The following MACROD2 variants were observed in gnomAD, a reference collection of about 807,000 sequenced individuals.
MACROD2 encodes the protein mono-ADP ribosylhydrolase 2, also known as ADP-ribose glycohydrolase MACROD2.
A neutral mutation model predicts 70.4 loss-of-function variants in MACROD2; 36 were observed. The observed-to-expected ratio is 0.51, with a 90% confidence interval of 0.39 to 0.68. The LOEUF (loss-of-function observed/expected upper bound fraction) is 0.68. Among genes scored for constraint, MACROD2 ranks in the 30% least tolerant of loss-of-function variants. The probability of loss-of-function intolerance (pLI) is 0.00; values close to 1 mark genes in which losing one functional copy is unlikely to be tolerated. For synonymous variants in MACROD2, 172 were observed against 178.8 expected (o/e 0.96, Z 0.30); for missense variants, 496 against 538.4 (o/e 0.92, Z 0.78).
At chr20:14,060,777 A>C (rs1569140307) in intron 2 of MACROD2, among the ~76,000 whole-genome samples, 1 of 152,150 alleles carries the variant, frequency 6.6e-6, no homozygotes, top group East Asian at 1.9e-4. Context: ...TGTGCATAGG[A>C]CTGGTAAAAA....
intron 5 of MACROD2, among the ~76,000 whole-genome samples, chr20:15,134,488 AG>A (rs2076131503): frequency 6.6e-6 from 1 of 152,116 alleles, no homozygotes. Flanking sequence ...AACGAAATGA[AG>A]GCAGAAATAA....
chr20:14,469,474 T>C (rs1449737251), intron 3 of MACROD2, among the ~76,000 whole-genome samples: 2 of 152,090 alleles, frequency 1.3e-5, no homozygotes, highest in Non-Finnish European at 2.9e-5. Context: ...AATGTTGGCC[T>C]GTCTAGCTAG....
chr20:14,697,336 C>G (rs1374494822), intron 5 of MACROD2, among the ~76,000 whole-genome samples: 2 of 152,128 alleles, frequency 1.3e-5, no homozygotes, highest in African/African-American at 4.8e-5. Context: ...AAAATATATC[C>G]AACAAAATGG....
intron 12 of MACROD2, among the ~76,000 whole-genome samples, chr20:15,960,967 AAGG>A (rs2066052127): frequency 6.6e-6 from 1 of 152,186 alleles, no homozygotes; most frequent in Non-Finnish European, 1.5e-5. Context: ...GGAGTAACAG[AAGG>A]AGAAGAGTGA....
intron 2 of MACROD2, among the ~76,000 whole-genome samples, chr20:14,040,810 A>T (rs552805409): frequency 3.3e-5 from 5 of 152,352 alleles, no homozygotes; most frequent in Admixed American, 3.3e-4. Context: ...CCACTGTTGC[A>T]TATATGGCCT....
chr20:15,278,754 A>G (rs1181024763), intron 6 of MACROD2, among the ~76,000 whole-genome samples: 1 of 152,178 alleles, frequency 6.6e-6, no homozygotes, highest in Non-Finnish European at 1.5e-5. Context: ...TCTGCCTTCA[A>G]TAGCAATATT....
intron 9 of MACROD2, among the ~76,000 whole-genome samples, chr20:15,877,445 A>G (rs1209054685): frequency 6.6e-6 from 1 of 152,106 alleles, no homozygotes; most frequent in Non-Finnish European, 1.5e-5. Flanking sequence ...TGAAGGAAAA[A>G]AAAAAGTTCC....
chr20:15,401,691 T>C (rs1234575639), intron 6 of MACROD2, among the ~76,000 whole-genome samples: 1 of 152,236 alleles, frequency 6.6e-6, no homozygotes, highest in East Asian at 1.9e-4. Context: ...AATAGGGTTA[T>C]AGTATACATG....
At chr20:14,167,827 C>T (rs1051392912) in intron 3 of MACROD2, among the ~76,000 whole-genome samples, 7 of 152,226 alleles carry the variant, frequency 4.6e-5, no homozygotes, top group East Asian at 1.9e-4. Flanking sequence ...GAAAACTTTA[C>T]GAAGACTCTC....
intron 5 of MACROD2, among the ~76,000 whole-genome samples, chr20:14,855,015 C>CA (rs536520276): frequency 9.4e-5 from 14 of 148,956 alleles, no homozygotes; most frequent in East Asian, 3.9e-4. Context: ...GACTCCGTCT[C>CA]AAAAAAAAAG....
intron 8 of MACROD2, among the ~76,000 whole-genome samples, chr20:15,692,973 G>A (rs1260413118): frequency 6.6e-6 from 1 of 152,020 alleles, no homozygotes; most frequent in Non-Finnish European, 1.5e-5. Flanking sequence ...TTAAAAGTGT[G>A]GCACTTCCCA....
At chr20:15,904,880 C>CAAAAAAA (rs10556594) in intron 10 of MACROD2, among the ~76,000 whole-genome samples, 100 of 129,012 alleles carry the variant, frequency 7.8e-4, no homozygotes, top group Admixed American at 2.9e-3. Flanking sequence ...GACTCTGTCT[C>CAAAAAAA]AAAAAAAAAA....
intron 5 of MACROD2, among the ~76,000 whole-genome samples, chr20:14,949,758 C>T (rs1460064537): frequency 6.6e-6 from 1 of 152,138 alleles, no homozygotes; most frequent in East Asian, 1.9e-4. Flanking sequence ...TTTAATTTTG[C>T]ACTTTGGCAC....
chr20:15,221,586 A>G (rs972498060), intron 5 of MACROD2, among the ~76,000 whole-genome samples: 2 of 152,242 alleles, frequency 1.3e-5, no homozygotes, highest in African/African-American at 4.8e-5. Context: ...TAGGAGTCCA[A>G]TTTGAAACAG....
chr20:14,643,575 A>G (rs1264078842), intron 4 of MACROD2, among the ~76,000 whole-genome samples: 1 of 152,230 alleles, frequency 6.6e-6, no homozygotes, highest in African/African-American at 2.4e-5. Flanking sequence ...TAGAGATGTT[A>G]AAGTATTTTA....
intron 4 of MACROD2, among the ~76,000 whole-genome samples, chr20:14,527,317 T>TGGGAAATGCAACATTTGGGC (rs2085245721): frequency 6.6e-6 from 1 of 152,192 alleles, no homozygotes; most frequent in African/African-American, 2.4e-5. Context: ...AGGGTGGTCT[T>TGGGAAATGCAACATTTGGGC]GGGAAATGCA....
At chr20:14,965,651 G>A (rs1326990162) in intron 5 of MACROD2, among the ~76,000 whole-genome samples, 3 of 147,386 alleles carry the variant, frequency 2.0e-5, no homozygotes, top group Non-Finnish European at 4.5e-5. Flanking sequence ...TGTATTTTTA[G>A]TAGAGACGCG....
intron 2 of MACROD2, among the ~76,000 whole-genome samples, chr20:14,074,710 T>C (rs2053895035): frequency 6.6e-6 from 1 of 152,190 alleles, no homozygotes; most frequent in South Asian, 2.1e-4. Context: ...TGGGAACTTA[T>C]TAGTTGACTG....
At chr20:15,174,418 G>A (rs939959890) in intron 5 of MACROD2, among the ~76,000 whole-genome samples, 1 of 152,132 alleles carries the variant, frequency 6.6e-6, no homozygotes, top group African/African-American at 2.4e-5. Context: ...GGACATTTGG[G>A]TTGGTTCCAA....
Sources: gnomAD v4.1 joint callset for allele counts (sites outside exome capture counted in the v4.1 genomes callset) on GRCh38, gnomAD v4.1.1 for gene constraint, MANE v1.5 for transcripts, NCBI Gene and HGNC (gene_info 2026-07-23, HGNC 2026-07-21) for gene names.